Variants in GRIP1 observed in about 807,000 individuals in gnomAD.
GRIP1 encodes glutamate receptor interacting protein 1, also known as glutamate receptor-interacting protein 1.
Under a neutral mutation model 129.9 loss-of-function variants are expected in GRIP1, and 45 were observed. The ratio of observed to expected loss-of-function variants is 0.35; its 90% CI spans 0.27 to 0.44. The LOEUF (loss-of-function observed/expected upper bound fraction) is 0.44, where lower values mean the gene tolerates loss of function less well. Ranked by LOEUF, GRIP1 falls within the 20% of genes least tolerant of loss-of-function variation. The pLI is 1.00. For synonymous variants in GRIP1, 530 were observed against 520.8 expected, an observed-to-expected ratio of 1.02 and a Z score of -0.24; for missense variants, 1,196 against 1,396.8, an observed-to-expected ratio of 0.86 and a Z score of 2.29.
chr12:66,440,447 C>A (rs774196275), intron 13 of GRIP1, among the ~76,000 whole-genome samples: 1 of 152,108 alleles, frequency 6.6e-6, no homozygotes, highest in Non-Finnish European at 1.5e-5. Flanking sequence ...TAACCATCCC[C>A]ACTCCCCACT....
chr12:66,370,450 A>G (rs1214084448), intron 23 of GRIP1, among the ~76,000 whole-genome samples: 1 of 152,206 alleles, frequency 6.6e-6, no homozygotes, highest in Non-Finnish European at 1.5e-5. Context: ...CTCTCACAGT[A>G]TCCTTGTCAG....
intron 23 of GRIP1, among the ~76,000 whole-genome samples, chr12:66,355,828 G>A (rs571829309): frequency 1.2e-4 from 19 of 152,268 alleles, no homozygotes; most frequent in East Asian, 7.7e-4. Flanking sequence ...GTATTTTGAC[G>A]GACAGAAAGG....
intron 1 of GRIP1, among the ~76,000 whole-genome samples, chr12:66,670,502 G>T (rs76689155): frequency 0.017 from 2,618 of 152,294 alleles, 85 homozygotes; most frequent in African/African-American, 0.06. Flanking sequence ...ATTTGCAGGG[G>T]TGTTCACACA....
intron 1 of GRIP1, among the ~76,000 whole-genome samples, chr12:67,003,012 T>C (rs2042574426): frequency 6.6e-6 from 1 of 152,122 alleles, no homozygotes; most frequent in Non-Finnish European, 1.5e-5. Context: ...TAGGTTCCTC[T>C]ACACACGATA....
chr12:66,951,796 C>T (rs905650543), intron 1 of GRIP1, among the ~76,000 whole-genome samples: 6 of 152,028 alleles, frequency 3.9e-5, no homozygotes, highest in Admixed American at 6.6e-5. Context: ...CATAAACAGG[C>T]GACTGGATAG....
chr12:66,925,712 T>C (rs1379746656), intron 1 of GRIP1, among the ~76,000 whole-genome samples: 1 of 152,188 alleles, frequency 6.6e-6, no homozygotes, highest in Non-Finnish European at 1.5e-5. Context: ...TGGAGCGATC[T>C]TGGCTCACTG....
intron 1 of GRIP1, among the ~76,000 whole-genome samples, chr12:66,625,263 T>C (rs565780737): frequency 6.6e-6 from 1 of 152,318 alleles, no homozygotes; most frequent in African/African-American, 2.4e-5. Context: ...ATTTACATTA[T>C]TGTCTTGCTT....
chr12:66,359,885 A>G (rs1298926760), intron 23 of GRIP1, among the ~76,000 whole-genome samples: 2 of 152,206 alleles, frequency 1.3e-5, no homozygotes, highest in African/African-American at 4.8e-5. Flanking sequence ...GGATATTGGT[A>G]GTGGTTACCT....
intron 23 of GRIP1, among the ~76,000 whole-genome samples, chr12:66,359,346 T>G (rs1425858685): frequency 6.6e-6 from 1 of 152,214 alleles, no homozygotes; most frequent in African/African-American, 2.4e-5. Flanking sequence ...CCTGGAATAA[T>G]AGTGAAGTTC....
intron 14 of GRIP1, among the ~76,000 whole-genome samples, chr12:66,426,741 G>A (rs540197112): frequency 6.6e-6 from 1 of 152,278 alleles, no homozygotes; most frequent in Non-Finnish European, 1.5e-5. Flanking sequence ...TTAAGTGTAA[G>A]TTGAGGCCAG....
At chr12:66,458,453 C>G (rs1171834748) in intron 9 of GRIP1, among the ~76,000 whole-genome samples, 1 of 152,180 alleles carries the variant, frequency 6.6e-6, no homozygotes, top group African/African-American at 2.4e-5. Flanking sequence ...GGTGCAATCT[C>G]AGCTCACTGC....
chr12:67,043,984 G>A (rs1024516416), intron 1 of GRIP1, among the ~76,000 whole-genome samples: 4 of 152,012 alleles, frequency 2.6e-5, no homozygotes, highest in Non-Finnish European at 5.9e-5. Flanking sequence ...GAAATATCTA[G>A]GGCCCATTCC....
intron 1 of GRIP1, among the ~76,000 whole-genome samples, chr12:66,755,128 A>G (rs1297337229): frequency 1.3e-5 from 2 of 152,144 alleles, no homozygotes; most frequent in African/African-American, 4.8e-5. Flanking sequence ...TTATCAGAAA[A>G]TTTTCCTATT....
rs200576669 is a variant in GRIP1 at position 66,432,510 on chromosome 12, C to T, written c.1768+38G>A. 296 of 1,203,130 alleles carry T rather than the reference C, an allele frequency of 2.5e-4. 1 individual carries two copies. The highest frequency in any genetic ancestry group is 3.4e-4 in the Non-Finnish European group (275 of 813,262). 74.5% of individuals were successfully genotyped at this position (1,203,130 alleles called of 1,614,324 possible). ...CATTTGACAACACAGTTTTCTAATG[C>T]CTTTAAAAATTATTTAAAAGAAATA... On this transcript the variant is annotated intron_variant, in intron 14 of 24. Coordinates refer to ENST00000359742, the MANE Select transcript of GRIP1 (RefSeq NM_001366722.1).
At position 66,849,275 on chromosome 12, in the gene GRIP1, G is replaced by A. The variant is rs531769934; in HGVS notation, c.58+219775C>T. Among the ~76,000 whole-genome samples, 8 of 152,132 alleles carry A rather than the reference G, an allele frequency of 5.3e-5. No individual in the cohort carries two copies. In the East Asian group the frequency reaches 5.8e-4, roughly 11 times the overall value. Reference sequence around the variant, plus strand: ...TAACCATTTCTTCCATCTCCTACAAGGCTCATCTCACATCCAAACCTCCTC... The same window carrying A: ...TAACCATTTCTTCCATCTCCTACAAAGCTCATCTCACATCCAAACCTCCTC... On this transcript the variant is annotated intron_variant, in intron 1 of 1. Coordinates refer to the GRIP1 transcript ENST00000643019.
At chr12:66,771,123 C>T (rs1023102498) in intron 1 of GRIP1, among the ~76,000 whole-genome samples, 1 of 152,020 alleles carries the variant, frequency 6.6e-6, no homozygotes, top group African/African-American at 2.4e-5. Context: ...AAAAAACCCT[C>T]AGCAGTTGGC....
chr12:66,401,530 G>C (rs2056988060), intron 16 of GRIP1, among the ~76,000 whole-genome samples: 1 of 150,686 alleles, frequency 6.6e-6, no homozygotes, highest in Non-Finnish European at 1.5e-5. Flanking sequence ...AGTGAGCCGA[G>C]ATTGTGCCAT....
chr12:66,739,469 G>A (rs1300502117), intron 1 of GRIP1, among the ~76,000 whole-genome samples: 1 of 152,078 alleles, frequency 6.6e-6, no homozygotes, highest in Non-Finnish European at 1.5e-5. Context: ...ACCAGTTAAA[G>A]GCATTGCTGA....
chr12:66,722,640 T>C (rs1274098766), intron 1 of GRIP1, among the ~76,000 whole-genome samples: 1 of 152,134 alleles, frequency 6.6e-6, no homozygotes, highest in Admixed American at 6.5e-5. Flanking sequence ...AAAAAACACA[T>C]TTTCTGTGAA....
Sources: allele counts gnomAD v4.1 joint callset (sites outside exome capture counted in the v4.1 genomes callset), GRCh38; gene constraint gnomAD v4.1.1; transcripts MANE v1.5; gene names NCBI Gene and HGNC (gene_info 2026-07-23, HGNC 2026-07-21).